The following SLC8A1 variants were observed in gnomAD, a reference collection of about 807,000 sequenced individuals.
The protein encoded by SLC8A1 is sodium/calcium exchanger 1.
A neutral mutation model predicts 68.3 loss-of-function variants in SLC8A1; 18 were observed. The observed-to-expected ratio is 0.26, with a 90% CI of 0.18 to 0.39. The LOEUF is 0.39. Among genes scored for constraint, SLC8A1 ranks in the 10% least tolerant of loss-of-function variants. SLC8A1 has a pLI of 1.00. For synonymous variants in SLC8A1, 475 were observed against 415.5 expected, an observed-to-expected ratio of 1.14 and a Z score of -1.74; for missense variants, 985 against 1,156.7, an observed-to-expected ratio of 0.85 and a Z score of 2.15.
At chr2:40,101,688 C>CTTTTAATTAAGAAATG (rs2125026181) in exon 8 of SLC8A1, 1 of 152,104 alleles carries the variant, frequency 6.6e-6, no homozygotes, top group Non-Finnish European at 1.5e-5. Context: ...AGCATTTAAA[C>CTTTTAATTAAGAAATG]CTTTTCTTAA....
At chr2:40,296,545 G>C (rs1033990267) in intron 2 of SLC8A1, among the ~76,000 whole-genome samples, 1 of 151,862 alleles carries the variant, frequency 6.6e-6, no homozygotes, top group East Asian at 1.9e-4. Context: ...CCAATTTGTG[G>C]TACAATTTTC....
chr2:40,387,886 G>A (rs1414888862), intron 2 of SLC8A1, among the ~76,000 whole-genome samples: 2 of 133,670 alleles, frequency 1.5e-5, no homozygotes, highest in African/African-American at 2.9e-5. Flanking sequence ...GCAGTGAGCC[G>A]AAATCATGCC....
At chr2:40,429,714 C>G (rs767662676) in exon 2 of SLC8A1, 1 of 1,613,740 alleles carries the variant, frequency 6.2e-7, no homozygotes. Flanking sequence ...CGTCAGGCAC[C>G]ACATAAACAC....
intron 1 of SLC8A1, among the ~76,000 whole-genome samples, chr2:40,492,546 A>C (rs1705389176): frequency 6.6e-6 from 1 of 151,680 alleles, no homozygotes; most frequent in Non-Finnish European, 1.5e-5. Context: ...CTACCATCAG[A>C]GTGAACAGGC....
intron 2 of SLC8A1, among the ~76,000 whole-genome samples, chr2:40,183,890 T>C (rs1300274781): frequency 6.6e-6 from 1 of 152,164 alleles, no homozygotes; most frequent in Non-Finnish European, 1.5e-5. Context: ...GTGCAGTGGC[T>C]CATGCCTGTA....
exon 8 of SLC8A1, chr2:40,106,139 G>C (rs1190033013): frequency 6.6e-6 from 1 of 152,196 alleles, no homozygotes; most frequent in East Asian, 1.9e-4. Flanking sequence ...AAATTTTAAA[G>C]GTGATAAGCA....
chr2:40,298,432 A>G (rs1412623826), intron 2 of SLC8A1, among the ~76,000 whole-genome samples: 3 of 152,206 alleles, frequency 2.0e-5, no homozygotes, highest in African/African-American at 7.2e-5. Flanking sequence ...GGGTTTTATG[A>G]AGACAGTCTT....
chr2:40,500,760 A>G (rs1214491566), intron 1 of SLC8A1, among the ~76,000 whole-genome samples: 1 of 141,486 alleles, frequency 7.1e-6, no homozygotes, highest in Non-Finnish European at 1.5e-5. Context: ...AATTACATAG[A>G]CACTGAACCT....
intron 1 of SLC8A1, among the ~76,000 whole-genome samples, chr2:40,468,270 G>A (rs947341770): frequency 2.0e-5 from 3 of 152,082 alleles, no homozygotes; most frequent in Non-Finnish European, 4.4e-5. Context: ...ACTTTAGTAA[G>A]CATTTACGTA....
At chr2:40,309,502 CTT>C (rs34863585) in intron 2 of SLC8A1, among the ~76,000 whole-genome samples, 9 of 123,256 alleles carry the variant, frequency 7.3e-5, no homozygotes, top group Admixed American at 8.8e-5. Flanking sequence ...GAATATTTTA[CTT>C]TTTTTTTTTT....
intron 2 of SLC8A1, among the ~76,000 whole-genome samples, chr2:40,178,067 G>A (rs530435707): frequency 1.3e-5 from 2 of 152,144 alleles, no homozygotes; most frequent in Non-Finnish European, 2.9e-5. Context: ...AATTATTCCC[G>A]CTTCAGTTAG....
At chr2:40,278,062 A>G (rs1211866909) in intron 2 of SLC8A1, among the ~76,000 whole-genome samples, 1 of 151,966 alleles carries the variant, frequency 6.6e-6, no homozygotes, top group East Asian at 1.9e-4. Flanking sequence ...GTGACTGAAT[A>G]ATTTTTTTGT....
At chr2:40,282,840 A>G (rs2067721731) in intron 2 of SLC8A1, among the ~76,000 whole-genome samples, 1 of 152,104 alleles carries the variant, frequency 6.6e-6, no homozygotes, top group African/African-American at 2.4e-5. Flanking sequence ...ACCCAATCAG[A>G]TGCAGACATT....
intron 2 of SLC8A1, among the ~76,000 whole-genome samples, chr2:40,414,041 G>A (rs1195510882): frequency 1.3e-5 from 2 of 152,106 alleles, no homozygotes; most frequent in Non-Finnish European, 2.9e-5. Flanking sequence ...AACATTAAAT[G>A]GCACCATAAT....
At position 40,265,106 on chromosome 2, in the gene SLC8A1, A is replaced by G. The variant is rs1191425758; in HGVS notation, c.1809-87251T>C. On this transcript the variant is annotated intron_variant, in intron 2 of 7. Coordinates refer to ENST00000406785, the Ensembl canonical transcript of SLC8A1. Reference sequence around the variant, plus strand: ...GTCATCTTCTCTTCACTGTGCCACAATGAATTATGTTTCAGAAGGCGGATT... The same window carrying G: ...GTCATCTTCTCTTCACTGTGCCACAGTGAATTATGTTTCAGAAGGCGGATT... Among the ~76,000 whole-genome samples the G allele has an allele frequency of 3.9e-5, 6 of 152,330 alleles. No homozygotes were observed. In the South Asian group the frequency reaches 6.2e-4, roughly 16 times the overall value.
chr2:40,361,677 T>A (rs1040130408), intron 2 of SLC8A1, among the ~76,000 whole-genome samples: 1 of 151,946 alleles, frequency 6.6e-6, no homozygotes, highest in African/African-American at 2.4e-5. Context: ...TACTGAATGA[T>A]GTCATCTGCA....
intron 2 of SLC8A1, among the ~76,000 whole-genome samples, chr2:40,199,285 C>A (rs1331928404): frequency 2.0e-5 from 3 of 151,656 alleles, no homozygotes; most frequent in Non-Finnish European, 4.4e-5. Context: ...ACCTTGTGAG[C>A]CTTGAATGAA....
At chr2:40,105,322 C>T (rs1164624232) in exon 8 of SLC8A1, 2 of 152,118 alleles carry the variant, frequency 1.3e-5, no homozygotes, top group African/African-American at 4.8e-5. Flanking sequence ...TGTTAAATAC[C>T]TTGTCAGTTG....
chr2:40,239,414 T>C (rs1018434663), intron 2 of SLC8A1, among the ~76,000 whole-genome samples: 3 of 152,208 alleles, frequency 2.0e-5, no homozygotes, highest in African/African-American at 7.2e-5. Flanking sequence ...GATTTAGGGC[T>C]AGAATGTTTT....
Sources: gnomAD v4.1 joint callset for allele counts (sites outside exome capture counted in the v4.1 genomes callset) on GRCh38, gnomAD v4.1.1 for gene constraint, MANE v1.5 for transcripts, NCBI Gene and HGNC (gene_info 2026-07-23, HGNC 2026-07-21) for gene names.